SCAMP5: variants seen among roughly 807,000 people sequenced by gnomAD.
SCAMP5 encodes the protein secretory carrier-associated membrane protein 5.
A neutral mutation model predicts 28.3 loss-of-function variants in SCAMP5; 7 were observed. That is an observed-to-expected ratio of 0.25 (90% CI 0.14 to 0.46). SCAMP5 has a LOEUF of 0.46. Among genes scored for constraint, SCAMP5 ranks in the 20% least tolerant of loss-of-function variants. The pLI is 0.99. For missense variants in SCAMP5, 192 were observed against 312.5 expected (o/e 0.61, Z 2.91); for synonymous variants, 117 against 116.4 (o/e 1.00, Z -0.03).
At chr15:75,000,886 A>G (rs189187762) in intron 1 of SCAMP5, among the ~76,000 whole-genome samples, 1 of 151,834 alleles carries the variant, frequency 6.6e-6, no homozygotes, top group Non-Finnish European at 1.5e-5. Flanking sequence ...TTCCTTAAGT[A>G]TGCCGTGCTA....
chr15:75,001,190 C>T (rs1236309258), intron 1 of SCAMP5, among the ~76,000 whole-genome samples: 4 of 143,662 alleles, frequency 2.8e-5, no homozygotes, highest in African/African-American at 1.1e-4. Context: ...GGGAGAATGG[C>T]GTGAACCCGG....
rs2065861437 is a variant in SCAMP5, at chr15:75,016,589, G to T, written c.137-4G>T. On this transcript the variant is annotated splice_region_variant and splice_polypyrimidine_tract_variant and intron_variant, in intron 3 of 6. Transcript: ENST00000425597. ...TATGTGTGCATGTGCTCCTGGGCCT[G>T]CAGTGAACAGCGTCACGCTGGCCGT... The T allele has an allele frequency of 6.2e-7, 1 of 1,611,250 alleles. No individual in the cohort carries two copies. The highest frequency in any genetic ancestry group is 8.5e-7 in the Non-Finnish European group (1 of 1,179,196).
Position 75,012,702 on chromosome 15 carries a change from G to A in SCAMP5, c.33G>A (p.Leu11=). ...AGAAAGTGAACAACTTCCCACCATT[G>A]CCCAAATTCATCCCGCTGAAGCCAT... The part of the protein sequence containing the change: MAEKVNNFPP[L]PKFIPLKPCF... The change falls in exon 3 of 7, where the codon TTG becomes TTA. Residue 11 remains leucine, a synonymous_variant. Coordinates refer to ENST00000425597, the MANE Select transcript of SCAMP5 (RefSeq NM_138967.4). The A allele has an allele frequency of 6.2e-7, 1 of 1,613,956 alleles. No homozygotes were observed. Among genetic ancestry groups the A allele is most frequent in the South Asian group, 1.1e-5 (1 of 91,076 alleles).
In SCAMP5 at chr15:75,016,773, G is replaced by A; in HGVS notation, c.293+24G>A. ...AAGTAAGTGGTTGGTGCTATCCGCAGTGCCTAGCCGTCTCTGCCCATCTCC... is the reference window on the plus strand; with the variant it reads ...AAGTAAGTGGTTGGTGCTATCCGCAATGCCTAGCCGTCTCTGCCCATCTCC... On this transcript the variant is annotated intron_variant, in intron 4 of 6. Transcript: ENST00000425597. 1.9e-6 allele frequency: 3 copies of A among 1,590,646 alleles called. No individual in the cohort carries two copies. The South Asian group carries it at 3.4e-5, about 18-fold the overall frequency.
At chr15:75,001,491 T>C (rs1327301131) in intron 1 of SCAMP5, among the ~76,000 whole-genome samples, 18 of 150,850 alleles carry the variant, frequency 1.2e-4, no homozygotes, top group Non-Finnish European at 2.5e-4. Context: ...ACAGAGAAAA[T>C]TGGGCTAGGT....
rs2065884619 is a variant in SCAMP5, at chr15:75,019,100, T to A, written c.*117T>A. ...CCTTCCCTTTTCTCCTTCCCTACTT[T>A]GTACAAAGGACCAGAGTTATATATA... On this transcript the variant is annotated 3_prime_UTR_variant, in exon 7 of 7. Transcript: ENST00000425597. 2 of 606,642 alleles carry A rather than the reference T, an allele frequency of 3.3e-6. No homozygotes were observed. Among genetic ancestry groups the A allele is most frequent in the Non-Finnish European group, 5.6e-6 (2 of 357,054 alleles). The allele number at this position is 606,642 out of a possible 1,614,324, so 37.6% of individuals were successfully genotyped here. A position where few individuals can be genotyped will look rare whatever the true frequency, so the allele number is the denominator to read the frequency against.
intron 1 of SCAMP5, among the ~76,000 whole-genome samples, chr15:74,998,759 C>G (rs1041738609): frequency 6.6e-6 from 1 of 151,980 alleles, no homozygotes; most frequent in Non-Finnish European, 1.5e-5. Flanking sequence ...TTACCACCCT[C>G]TCAAGCCCCA....
intron 3 of SCAMP5, among the ~76,000 whole-genome samples, chr15:75,013,452 A>C (rs1234450847): frequency 6.6e-6 from 1 of 152,134 alleles, no homozygotes; most frequent in Non-Finnish European, 1.5e-5. Context: ...TGATCCCGGC[A>C]CTTTGGGAGG....
At position 74,996,526 on chromosome 15, in the gene SCAMP5, G is replaced by C. The variant is rs940236582; in HGVS notation, c.-49+853G>C. 6.6e-6 allele frequency among the ~76,000 whole-genome samples: 1 copy of C among 152,198 alleles called. No individual in the cohort carries two copies. Among genetic ancestry groups the C allele is most frequent in the African/African-American group, 2.4e-5 (1 of 41,454 alleles). ...GAGAGAAAGGGAGGCGACAGCTAGC[G>C]AATAGGAGACTTCCAGAGGTGATGG... On this transcript the variant is annotated intron_variant, in intron 1 of 6. Coordinates refer to ENST00000425597, the MANE Select transcript of SCAMP5 (RefSeq NM_138967.4). This position sits in a 1 kb window ranked among gnomAD's most constrained non-coding sequence, Gnocchi z 4.1.
At chr15:75,011,274 A>G (rs2065809014) in intron 1 of SCAMP5, among the ~76,000 whole-genome samples, 1 of 152,132 alleles carries the variant, frequency 6.6e-6, no homozygotes, top group Admixed American at 6.5e-5. Context: ...TCACCAGGAC[A>G]TGATGTGTAT....
chr15:75,003,353 A>G (rs1476487047), intron 1 of SCAMP5, among the ~76,000 whole-genome samples: 1 of 152,142 alleles, frequency 6.6e-6, no homozygotes, highest in Non-Finnish European at 1.5e-5. Context: ...CACCTACTCT[A>G]TATCCATTCA....
chr15:75,017,677 G>T (rs2065870585), intron 4 of SCAMP5, 193 bp from the exon 5 acceptor site: 1 of 613,958 alleles, frequency 1.6e-6, no homozygotes, highest in Non-Finnish European at 2.9e-6. Flanking sequence ...GTGTAATGTT[G>T]CAACACACAG....
intron 1 of SCAMP5, among the ~76,000 whole-genome samples, chr15:75,009,016 T>G (rs2065787004): frequency 6.6e-6 from 1 of 152,236 alleles, no homozygotes; most frequent in Non-Finnish European, 1.5e-5. Context: ...CTTCCTTTTT[T>G]TTAATATGAA....
intron 1 of SCAMP5, among the ~76,000 whole-genome samples, chr15:75,009,632 G>A (rs1209348571): frequency 1.3e-5 from 2 of 151,974 alleles, no homozygotes; most frequent in Non-Finnish European, 2.9e-5. Context: ...ACGCACCATC[G>A]TGCCTGCCTA....
rs767425136 is a variant in SCAMP5, at chr15:75,018,406, C to T, written c.396-12C>T. On this transcript the variant is annotated splice_polypyrimidine_tract_variant and intron_variant, in intron 5 of 6. Transcript: ENST00000425597. This position sits in a 1 kb window ranked among gnomAD's most constrained non-coding sequence, Gnocchi z 5.6. ...ATCCTGCCCGCAGCCCCACACTGGC[C>T]TCTTCCTGCAGCGGCTGGATTGCTA... 2.1e-5 allele frequency: 33 copies of T among 1,590,606 alleles called. No homozygotes were observed. Among genetic ancestry groups the T allele is most frequent in the Non-Finnish European group, 2.8e-5 (32 of 1,158,728 alleles).
intron 1 of SCAMP5, chr15:75,010,068 T>A (rs943924510): frequency 1.3e-5 from 2 of 152,244 alleles, no homozygotes; most frequent in African/African-American, 4.8e-5. Flanking sequence ...TTTCTGCTGT[T>A]GACTATATAA....
At chr15:75,012,048 G>A (rs1444007951) in intron 2 of SCAMP5, among the ~76,000 whole-genome samples, 1 of 152,164 alleles carries the variant, frequency 6.6e-6, no homozygotes, top group Non-Finnish European at 1.5e-5. Context: ...TCAGATCTTT[G>A]GTCCTATGGA....
At chr15:75,010,164 C>G (rs2141443000) in intron 1 of SCAMP5, among the ~76,000 whole-genome samples, 1 of 152,256 alleles carries the variant, frequency 6.6e-6, no homozygotes, top group East Asian at 1.9e-4. Context: ...TAGCATGGGT[C>G]AGCCAGGCCT....
intron 1 of SCAMP5, among the ~76,000 whole-genome samples, chr15:75,006,159 A>C (rs2065756936): frequency 6.9e-6 from 1 of 145,074 alleles, no homozygotes; most frequent in Non-Finnish European, 1.5e-5. Flanking sequence ...CACCACACCC[A>C]GTTAATTTTT....
Sources: gnomAD v4.1 joint callset for allele counts (sites outside exome capture counted in the v4.1 genomes callset) on GRCh38, gnomAD v4.1.1 for gene constraint, Gnocchi (gnomAD v3.1) non-coding constraint, MANE v1.5 for transcripts, NCBI Gene and HGNC (gene_info 2026-07-23, HGNC 2026-07-21) for gene names.